The following CCDC83 variants were observed in gnomAD, a reference collection of about 807,000 sequenced individuals.
The protein encoded by CCDC83 is coiled-coil domain containing 83, also known as coiled-coil domain-containing protein 83.
A neutral mutation model predicts 50.1 loss-of-function variants in CCDC83; 54 were observed. The observed-to-expected ratio is 1.08, with a 90% CI of 0.87 to 1.35. The LOEUF (loss-of-function observed/expected upper bound fraction) is 1.35, where lower values mean the gene tolerates loss of function less well. Among genes scored for constraint, CCDC83 ranks in the 40% most tolerant of loss-of-function variants. The pLI is 0.00. For synonymous variants in CCDC83, 161 were observed against 153.3 expected, an observed-to-expected ratio of 1.05 and a Z score of -0.37; for missense variants, 518 against 473.9, an observed-to-expected ratio of 1.09 and a Z score of -0.86.
intron 2 of CCDC83, among the ~76,000 whole-genome samples, chr11:85,871,246 T>C (rs1179166535): frequency 6.6e-6 from 1 of 152,192 alleles, no homozygotes; most frequent in Non-Finnish European, 1.5e-5. Context: ...TAAATCTACA[T>C]TGTATGTATG....
chr11:85,913,630 G>A (rs957736243), intron 8 of CCDC83, among the ~76,000 whole-genome samples: 24 of 152,228 alleles, frequency 1.6e-4, no homozygotes, highest in Middle Eastern at 3.2e-3. Flanking sequence ...CTATTTGGAT[G>A]AGGAATGGGA....
chr11:85,870,870 A>G (rs1245072937), intron 2 of CCDC83, among the ~76,000 whole-genome samples: 1 of 152,188 alleles, frequency 6.6e-6, no homozygotes, highest in African/African-American at 2.4e-5. Flanking sequence ...GGTGTTGTTC[A>G]AAATTATCTC....
chr11:85,908,339 G>A (rs573675204), intron 7 of CCDC83, among the ~76,000 whole-genome samples: 39 of 152,112 alleles, frequency 2.6e-4, no homozygotes, highest in Non-Finnish European at 5.3e-4. Flanking sequence ...GCTGGGCACC[G>A]TGGCTCACAC....
intron 10 of CCDC83, among the ~76,000 whole-genome samples, chr11:85,917,170 A>AGAGAGAGAGAGAGAG (rs1565160046): frequency 5.1e-5 from 3 of 58,952 alleles, no homozygotes; most frequent in African/African-American, 2.4e-4. Context: ...GAGAGAGAGA[A>AGAGAGAGAGAGAGAG]AGAAAGAAAG....
At chr11:85,910,407 C>G (rs930235319) in intron 7 of CCDC83, among the ~76,000 whole-genome samples, 1 of 152,212 alleles carries the variant, frequency 6.6e-6, no homozygotes, top group African/African-American at 2.4e-5. Flanking sequence ...AATATTTCAT[C>G]TACCTGACAG....
chr11:85,911,030 G>A (rs917591081), intron 7 of CCDC83, among the ~76,000 whole-genome samples: 2 of 151,882 alleles, frequency 1.3e-5, no homozygotes, highest in African/African-American at 4.8e-5. Flanking sequence ...AATTAGCTGG[G>A]CATGGTGGCA....
At chr11:85,870,240 G>A (rs755862612) in intron 2 of CCDC83, among the ~76,000 whole-genome samples, 29 of 152,192 alleles carry the variant, frequency 1.9e-4, no homozygotes, top group African/African-American at 5.1e-4. Context: ...CAGCCCAATC[G>A]TTGCATGCTC....
intron 8 of CCDC83, among the ~76,000 whole-genome samples, 190 bp from the exon 9 acceptor site, chr11:85,915,229 G>A (rs2093472341): frequency 6.6e-6 from 1 of 152,070 alleles, no homozygotes; most frequent in Non-Finnish European, 1.5e-5. Flanking sequence ...ACCCATCATG[G>A]TACACACCAT....
At chr11:85,906,810 G>A (rs1316166788) in intron 7 of CCDC83, among the ~76,000 whole-genome samples, 1 of 151,858 alleles carries the variant, frequency 6.6e-6, no homozygotes, top group Non-Finnish European at 1.5e-5. Flanking sequence ...ACTTGAGCCT[G>A]GAAGGTTGAG....
chr11:85,894,487 A>C (rs1592170538), intron 5 of CCDC83, among the ~76,000 whole-genome samples: 1 of 152,300 alleles, frequency 6.6e-6, no homozygotes, highest in African/African-American at 2.4e-5. Flanking sequence ...CACATTGCTG[A>C]CTACCTGACT....
At chr11:85,900,209 G>C (rs1013866007) in intron 7 of CCDC83, among the ~76,000 whole-genome samples, 3 of 152,186 alleles carry the variant, frequency 2.0e-5, no homozygotes, top group African/African-American at 7.2e-5. Flanking sequence ...TTGATGATCT[G>C]AATAGGGAGC....
chr11:85,875,884 T>C (rs926322356), intron 3 of CCDC83, among the ~76,000 whole-genome samples: 1 of 152,232 alleles, frequency 6.6e-6, no homozygotes, highest in East Asian at 1.9e-4. Context: ...TCCACCTACC[T>C]CATTAGATGT....
In CCDC83 at chr11:85,909,596, T is replaced by TC. The variant is rs1370362709; in HGVS notation, c.673-1684dup. Among the ~76,000 whole-genome samples, 410 of 143,268 alleles carry TC rather than the reference T, an allele frequency of 2.9e-3. 2 individuals are homozygous for TC. Among genetic ancestry groups the TC allele is most frequent in the Non-Finnish European group, 5.3e-3 (351 of 66,182 alleles). 94.0% of individuals were successfully genotyped at this position (143,268 alleles called of 152,430 possible). The stretch of plus-strand genomic sequence containing the variant: ...CTATCAAGCCCTCTTTGGACAAAAG[T>TC]CATCAAAATACACTTTTTTTTTTTT... On this transcript the variant is annotated intron_variant, in intron 7 of 10. Coordinates refer to ENST00000342404, the MANE Select transcript of CCDC83 (RefSeq NM_001286159.2).
chr11:85,858,542 A>G (rs1178498641), intron 1 of CCDC83, among the ~76,000 whole-genome samples: 1 of 152,030 alleles, frequency 6.6e-6, no homozygotes, highest in Non-Finnish European at 1.5e-5. Flanking sequence ...CATCCCTCAT[A>G]CTGTTCCAAG....
intron 3 of CCDC83, among the ~76,000 whole-genome samples, chr11:85,880,264 G>T (rs976750631): frequency 6.6e-6 from 1 of 151,966 alleles, no homozygotes; most frequent in African/African-American, 2.4e-5. Context: ...CATTTATTTA[G>T]ATCTTGTTTT....
chr11:85,916,088 A>G lies in CCDC83; in HGVS notation c.935A>G (p.Asp312Gly). ...AGTAGAGACTTGATGTCCTCATCAG[A>G]TGAGAGCACTATCTTACATCTTAGT... ...VESRDLMSSS[D>G]ESTILHLSHE... Residue 312 changes from aspartate to glycine, a missense_variant, in exon 10 of 11, where the codon GAT becomes GGT. By Grantham distance (94) the Asp-to-Gly change is moderately conservative. Transcript: ENST00000342404. 1.2e-6 allele frequency: 2 copies of G among 1,613,546 alleles called. No homozygotes were observed. Among genetic ancestry groups the G allele is most frequent in the Non-Finnish European group, 1.7e-6 (2 of 1,179,562 alleles).
intron 3 of CCDC83, among the ~76,000 whole-genome samples, chr11:85,877,274 C>A (rs1035436598): frequency 1.3e-5 from 2 of 152,076 alleles, no homozygotes; most frequent in Non-Finnish European, 2.9e-5. Context: ...GTTTTGAGAC[C>A]AGCCTGGGCA....
chr11:85,856,323 C>G (rs577160011), intron 1 of CCDC83, among the ~76,000 whole-genome samples: 11 of 152,242 alleles, frequency 7.2e-5, no homozygotes, highest in Non-Finnish European at 1.6e-4. Flanking sequence ...TCTTTAGACT[C>G]ACTACTGCTA....
intron 10 of CCDC83, among the ~76,000 whole-genome samples, chr11:85,918,311 T>C (rs1269384558): frequency 6.6e-6 from 1 of 152,028 alleles, no homozygotes; most frequent in Non-Finnish European, 1.5e-5. Flanking sequence ...CATATAAGAG[T>C]AAACAGACCA....
Sources: allele counts gnomAD v4.1 joint callset (sites outside exome capture counted in the v4.1 genomes callset), GRCh38; gene constraint gnomAD v4.1.1; transcripts MANE v1.5; gene names NCBI Gene and HGNC (gene_info 2026-07-23, HGNC 2026-07-21).